MYRIP: variants seen among roughly 807,000 people sequenced by gnomAD.
MYRIP encodes the protein myosin VIIA and Rab interacting protein.
Under a neutral mutation model 98.0 loss-of-function variants are expected in MYRIP, and 49 were observed. The observed-to-expected ratio is 0.50, with a 90% CI of 0.40 to 0.63. The LOEUF (loss-of-function observed/expected upper bound fraction) is 0.63, where lower values mean the gene tolerates loss of function less well. MYRIP is among the 30% of genes least tolerant of loss of function. The pLI is 0.00. For synonymous variants in MYRIP, 404 were observed against 409.5 expected, an observed-to-expected ratio of 0.99 and a Z score of 0.16; for missense variants, 1,004 against 1,058.2, an observed-to-expected ratio of 0.95 and a Z score of 0.71.
intron 1 of MYRIP, among the ~76,000 whole-genome samples, chr3:39,893,005 G>A (rs1575352857): frequency 6.6e-6 from 1 of 152,152 alleles, no homozygotes; most frequent in African/African-American, 2.4e-5. Flanking sequence ...TATGGTAAGA[G>A]TTTGTTTTGG....
At chr3:40,170,739 CTG>C (rs141742270) in intron 8 of MYRIP, among the ~76,000 whole-genome samples, 47 of 152,276 alleles carry the variant, frequency 3.1e-4, no homozygotes, top group Non-Finnish European at 5.9e-4. Flanking sequence ...CTGCAAGAAA[CTG>C]AGGGACTGGC....
intron 15 of MYRIP, 25 bp downstream of exon 15, chr3:40,250,524 C>T: frequency 1.2e-6 from 2 of 1,613,532 alleles, no homozygotes; most frequent in Admixed American, 1.7e-5. Flanking sequence ...AACCACAAAG[C>T]TACCAAAAAA....
chr3:39,855,712 G>A lies in MYRIP; in HGVS notation c.-30-45075G>A, dbSNP rs137892040. Reference sequence around the variant, plus strand: ...CAGTGCCCCACTCAGACCTTGTCCCGGGTTGTGAGCTGCCCCACTGAGAAA... The same window carrying A: ...CAGTGCCCCACTCAGACCTTGTCCCAGGTTGTGAGCTGCCCCACTGAGAAA... On this transcript the variant is annotated intron_variant, in intron 1 of 16. Transcript: ENST00000302541. Among the ~76,000 whole-genome samples the A allele has an allele frequency of 1.8e-3, 269 of 152,220 alleles. 1 individual carries two copies. Among genetic ancestry groups the A allele is most frequent in the Non-Finnish European group, 2.5e-3 (168 of 68,006 alleles).
chr3:40,147,078 C>T (rs1950025389), intron 3 of MYRIP, among the ~76,000 whole-genome samples: 1 of 152,184 alleles, frequency 6.6e-6, no homozygotes, highest in African/African-American at 2.4e-5. Context: ...CTGGGGGCTA[C>T]CATAATAATC....
At chr3:40,079,922 A>C (rs964422581) in intron 3 of MYRIP, among the ~76,000 whole-genome samples, 14 of 152,354 alleles carry the variant, frequency 9.2e-5, no homozygotes, top group African/African-American at 3.4e-4. Flanking sequence ...TAAGAAACTA[A>C]TTTTACCATA....
chr3:39,925,215 G>A (rs1944395736), intron 2 of MYRIP, among the ~76,000 whole-genome samples: 2 of 151,638 alleles, frequency 1.3e-5, no homozygotes, highest in African/African-American at 4.8e-5. Flanking sequence ...ACTCACAAGG[G>A]AAAAAAAGGA....
rs574419304 is a variant in MYRIP at position 40,016,404 on chromosome 3, C to A, written c.111-27646C>A. On this transcript the variant is annotated intron_variant, in intron 2 of 16. Transcript: ENST00000302541. ...CCAGTCGTCCTCCACCAAACAGGAT[C>A]TGCCTCCTTCAAGCCTTTTCCCAAT... 5.9e-5 allele frequency among the ~76,000 whole-genome samples: 9 copies of A among 152,312 alleles called. 1 individual carries two copies. The South Asian group carries it at 1.4e-3, about 25-fold the overall frequency.
chr3:39,980,681 G>A (rs1945870415), intron 2 of MYRIP, among the ~76,000 whole-genome samples: 1 of 152,154 alleles, frequency 6.6e-6, no homozygotes, highest in African/African-American at 2.4e-5. Context: ...TGTTGCTTTA[G>A]TTACCTTGTC....
In MYRIP at chr3:40,236,176, T is replaced by C. The variant is rs942328576; in HGVS notation, c.2100+2123T>C. 3.3e-5 allele frequency among the ~76,000 whole-genome samples: 5 copies of C among 152,222 alleles called. No homozygotes were observed. In the East Asian group the frequency reaches 9.6e-4, roughly 29 times the overall value. The stretch of plus-strand genomic sequence containing the variant: ...ACAAATAATTACCATGGTGTTACAA[T>C]TGCCTACAGTATTCAGTACAGTAAC... On this transcript the variant is annotated intron_variant, in intron 12 of 16. Coordinates refer to ENST00000302541, the MANE Select transcript of MYRIP (RefSeq NM_015460.4).
At chr3:40,222,697 G>A (rs1335593344) in intron 11 of MYRIP, among the ~76,000 whole-genome samples, 1 of 151,840 alleles carries the variant, frequency 6.6e-6, no homozygotes, top group African/African-American at 2.4e-5. Context: ...AGAAAACAAT[G>A]TGGAGAAATA....
intron 1 of MYRIP, among the ~76,000 whole-genome samples, chr3:39,874,966 G>T (rs1424390176): frequency 6.6e-6 from 1 of 152,060 alleles, no homozygotes; most frequent in South Asian, 2.1e-4. Context: ...GAATCCATCT[G>T]GTCCTGGACT....
chr3:40,134,522 T>A (rs1025385774), intron 3 of MYRIP, among the ~76,000 whole-genome samples: 2 of 152,186 alleles, frequency 1.3e-5, no homozygotes, highest in African/African-American at 4.8e-5. Context: ...GTCTGATAGC[T>A]TAGAAGAGAG....
intron 13 of MYRIP, among the ~76,000 whole-genome samples, chr3:40,245,913 A>ATTTTTTTTT (rs55637614): frequency 1.7e-5 from 2 of 115,634 alleles, no homozygotes; most frequent in Admixed American, 9.3e-5. Context: ...CACCCAGCTA[A>ATTTTTTTTT]TTTTTTTTTT....
intron 3 of MYRIP, among the ~76,000 whole-genome samples, chr3:40,147,577 C>T (rs113689174): frequency 4.3e-4 from 65 of 152,212 alleles, no homozygotes; most frequent in Non-Finnish European, 5.7e-4. Flanking sequence ...TTATTCTTGG[C>T]TATAACACTT....
At chr3:40,087,970 C>T (rs957346148) in intron 3 of MYRIP, among the ~76,000 whole-genome samples, 1 of 152,114 alleles carries the variant, frequency 6.6e-6, no homozygotes, top group Admixed American at 6.5e-5. Flanking sequence ...ACAGGAGACC[C>T]TATGCTATAA....
intron 2 of MYRIP, among the ~76,000 whole-genome samples, chr3:39,976,188 C>T (rs542740811): frequency 6.6e-6 from 1 of 151,926 alleles, no homozygotes; most frequent in East Asian, 1.9e-4. Flanking sequence ...ACAATGAACT[C>T]AAACAAATTT....
intron 2 of MYRIP, among the ~76,000 whole-genome samples, chr3:39,977,067 T>TTTG (rs10693512): frequency 0.5 from 76,195 of 151,704 alleles, 20,848 homozygotes; most frequent in African/African-American, 0.75. Context: ...TCTGTGTGTT[T>TTTG]TTTTCTCTTT....
chr3:39,918,739 G>A (rs1944232655), intron 2 of MYRIP, among the ~76,000 whole-genome samples: 2 of 152,194 alleles, frequency 1.3e-5, no homozygotes, highest in African/African-American at 4.8e-5. Flanking sequence ...CAGAAAGAAT[G>A]GGGACTCAGA....
chr3:40,204,169 T>TATA (rs1559451908), intron 10 of MYRIP, among the ~76,000 whole-genome samples: 3 of 1,754 alleles, frequency 1.7e-3, no homozygotes, highest in Non-Finnish European at 8.3e-3. Flanking sequence ...TAATATAATA[T>TATA]TTATATATTA....
Sources: gnomAD v4.1 joint callset for allele counts (sites outside exome capture counted in the v4.1 genomes callset) on GRCh38, gnomAD v4.1.1 for gene constraint, MANE v1.5 for transcripts, NCBI Gene and HGNC (gene_info 2026-07-23, HGNC 2026-07-21) for gene names.